FSTL4: variants seen among roughly 807,000 people sequenced by gnomAD.
FSTL4 encodes follistatin like 4.
In FSTL4, 28 loss-of-function variants were observed where a neutral mutation model predicts 78.2. The observed-to-expected ratio is 0.36, with a 90% CI of 0.27 to 0.49. The LOEUF is 0.49. Among genes scored for constraint, FSTL4 ranks in the 20% least tolerant of loss-of-function variants. The probability of loss-of-function intolerance (pLI) is 0.98; values close to 1 mark genes in which losing one functional copy is unlikely to be tolerated. For synonymous variants in FSTL4, 422 were observed against 440.5 expected (o/e 0.96, Z 0.53); for missense variants, 922 against 1,084.9 (o/e 0.85, Z 2.11).
the FSTL4 span, among the ~76,000 whole-genome samples, chr5:133,677,786 A>T: frequency 2.0e-5 from 3 of 152,228 alleles, no homozygotes; most frequent in African/African-American, 7.2e-5. Context: ...ATTAAATAAG[A>T]TGCTGTGTTT....
the FSTL4 span, among the ~76,000 whole-genome samples, chr5:133,812,057 G>C: frequency 6.6e-6 from 1 of 152,288 alleles, no homozygotes; most frequent in Non-Finnish European, 1.5e-5. Context: ...CAGCTGCTCA[G>C]GATAAACATC....
At chr5:133,608,780 G>A (rs1030703420) in intron 1 of FSTL4, among the ~76,000 whole-genome samples, 5 of 152,198 alleles carry the variant, frequency 3.3e-5, no homozygotes, top group Non-Finnish European at 5.9e-5. Flanking sequence ...ATACTGACTT[G>A]CTTTTTGAAG....
intron 6 of FSTL4, among the ~76,000 whole-genome samples, chr5:133,307,515 T>C (rs913997750): frequency 3.3e-5 from 5 of 152,210 alleles, no homozygotes; most frequent in Non-Finnish European, 5.9e-5. Flanking sequence ...CTGGACATAG[T>C]GTACAGTGCT....
the FSTL4 span, among the ~76,000 whole-genome samples, chr5:133,830,749 G>A: frequency 3.9e-5 from 6 of 152,146 alleles, no homozygotes; most frequent in Non-Finnish European, 7.3e-5. Context: ...GGGAGTCCTC[G>A]TCAATTAGGT....
chr5:133,554,688 A>G lies in FSTL4; in HGVS notation c.160+12498T>C, dbSNP rs76863169. Among the ~76,000 whole-genome samples, 422 of 152,382 alleles carry G rather than the reference A, an allele frequency of 2.8e-3. 4 individuals carry two copies. The highest frequency in any genetic ancestry group is 0.022 in the Admixed American group (340 of 15,306). ...AGGCATGCAATTTCCTAAGAGGCAC[A>G]TGGAAATATCTGTCACCTTGTAGTT... On this transcript the variant is annotated intron_variant, in intron 3 of 15. Coordinates refer to ENST00000265342, the MANE Select transcript of FSTL4 (RefSeq NM_015082.2).
intron 4 of FSTL4, among the ~76,000 whole-genome samples, chr5:133,333,042 A>G (rs1754384402): frequency 6.6e-6 from 1 of 152,104 alleles, no homozygotes; most frequent in African/African-American, 2.4e-5. Context: ...TCATGCACAC[A>G]CATACACACA....
intron 8 of FSTL4, among the ~76,000 whole-genome samples, chr5:133,231,497 A>C (rs1354227822): frequency 6.6e-6 from 1 of 152,170 alleles, no homozygotes; most frequent in East Asian, 1.9e-4. Context: ...GTGTTAATCC[A>C]CACATTAAAA....
At chr5:133,655,368 A>G in the FSTL4 span, among the ~76,000 whole-genome samples, 1 of 152,174 alleles carries the variant, frequency 6.6e-6, no homozygotes, top group Non-Finnish European at 1.5e-5. Flanking sequence ...ATAACCCTGA[A>G]TCAAGTCACT....
chr5:133,506,871 G>A (rs916721622), intron 3 of FSTL4, among the ~76,000 whole-genome samples: 3 of 152,242 alleles, frequency 2.0e-5, no homozygotes, highest in Non-Finnish European at 2.9e-5. Context: ...CAAACAGCAC[G>A]TATTTCTGAA....
At chr5:133,802,728 G>A in the FSTL4 span, among the ~76,000 whole-genome samples, 1 of 152,088 alleles carries the variant, frequency 6.6e-6, no homozygotes. Context: ...TATTCCTTTG[G>A]GGAACCATCC....
At position 133,593,283 on chromosome 5, in the gene FSTL4, A is replaced by AAGTCCTCTG. The variant is rs200461548; in HGVS notation, c.126+10566_126+10574dup. On this transcript the variant is annotated intron_variant, in intron 2 of 15. Transcript: ENST00000265342. ...CCCACATCCTCTACACTGCCAGCCC[A>AAGTCCTCTG]AGTCCTCTGAGGAGAGCTTAGGTGT... Among the ~76,000 whole-genome samples, 1,197 of 152,276 alleles carry AAGTCCTCTG rather than the reference A, an allele frequency of 7.9e-3. 16 individuals carry two copies. Among genetic ancestry groups the AAGTCCTCTG allele is most frequent in the African/African-American group, 0.028 (1,143 of 41,550 alleles).
chr5:133,716,953 C>T, the FSTL4 span, among the ~76,000 whole-genome samples: 62 of 152,318 alleles, frequency 4.1e-4, 1 homozygote, highest in African/African-American at 1.3e-3. Context: ...TGGCCAATGG[C>T]CAGTTGGACT....
At chr5:133,349,106 TAA>T (rs1207820233) in intron 4 of FSTL4, among the ~76,000 whole-genome samples, 1 of 152,138 alleles carries the variant, frequency 6.6e-6, no homozygotes, top group African/African-American at 2.4e-5. Context: ...TGAAAATAAA[TAA>T]AACACATCTT....
intron 3 of FSTL4, among the ~76,000 whole-genome samples, chr5:133,483,387 G>A (rs1758068098): frequency 6.6e-6 from 1 of 152,234 alleles, no homozygotes; most frequent in African/African-American, 2.4e-5. Flanking sequence ...GGATGCAAGT[G>A]TACATGCCCC....
At chr5:133,641,588 A>G in the FSTL4 span, among the ~76,000 whole-genome samples, 1 of 152,178 alleles carries the variant, frequency 6.6e-6, no homozygotes, top group African/African-American at 2.4e-5. Flanking sequence ...ATATATTTGC[A>G]TGTTTGTGTA....
chr5:133,380,418 C>G (rs1755540432), intron 4 of FSTL4, among the ~76,000 whole-genome samples: 1 of 151,822 alleles, frequency 6.6e-6, no homozygotes, highest in African/African-American at 2.4e-5. Context: ...AAGTATATGC[C>G]AATAAATTAG....
At chr5:133,500,335 T>C (rs1378387488) in intron 3 of FSTL4, among the ~76,000 whole-genome samples, 1 of 152,224 alleles carries the variant, frequency 6.6e-6, no homozygotes, top group Non-Finnish European at 1.5e-5. Flanking sequence ...CTGGAGCTCA[T>C]GCTTACTGAA....
At chr5:133,628,114 G>A in the FSTL4 span, among the ~76,000 whole-genome samples, 49 of 152,254 alleles carry the variant, frequency 3.2e-4, no homozygotes, top group Non-Finnish European at 6.5e-4. Flanking sequence ...AACTAAAGCA[G>A]TGTTTAGAGG....
At chr5:133,394,747 C>T (rs374521806) in intron 4 of FSTL4, among the ~76,000 whole-genome samples, 13 of 152,342 alleles carry the variant, frequency 8.5e-5, no homozygotes, top group South Asian at 6.2e-4. Flanking sequence ...GTGCACTGCG[C>T]GGGACTGGCA....
Sources: allele counts gnomAD v4.1 joint callset (sites outside exome capture counted in the v4.1 genomes callset), GRCh38; gene constraint gnomAD v4.1.1; transcripts MANE v1.5; gene names NCBI Gene and HGNC (gene_info 2026-07-23, HGNC 2026-07-21).